The following EYA3 variants were observed in gnomAD, a reference collection of about 807,000 sequenced individuals.
The protein encoded by EYA3 is protein phosphatase EYA3.
EYA3 carries 39 observed loss-of-function variants against 80.0 expected under a neutral mutation model. That is an observed-to-expected ratio of 0.49 (90% CI 0.38 to 0.64). EYA3 has a LOEUF of 0.64. EYA3 is among the 30% of genes least tolerant of loss of function. The probability of loss-of-function intolerance (pLI) is 0.00; values close to 1 mark genes in which losing one functional copy is unlikely to be tolerated. For missense variants in EYA3, 523 were observed against 676.1 expected, an observed-to-expected ratio of 0.77 and a Z score of 2.51; for synonymous variants, 206 against 232.8, an observed-to-expected ratio of 0.88 and a Z score of 1.05.
intron 2 of EYA3, among the ~76,000 whole-genome samples, chr1:28,049,554 C>T (rs569990289): frequency 2.8e-4 from 43 of 152,226 alleles, no homozygotes; most frequent in African/African-American, 1.0e-3. Context: ...GATATGATTA[C>T]ACAAAAATTT....
chr1:28,018,111 G>T (rs770541468), intron 7 of EYA3, among the ~76,000 whole-genome samples: 3 of 151,780 alleles, frequency 2.0e-5, no homozygotes, highest in Admixed American at 6.6e-5. Context: ...CATGAGAATC[G>T]CTTGAACTCA....
intron 16 of EYA3, among the ~76,000 whole-genome samples, chr1:27,986,142 G>A (rs536623329): frequency 6.6e-6 from 1 of 151,912 alleles, no homozygotes; most frequent in Non-Finnish European, 1.5e-5. Flanking sequence ...GAGGCAGATG[G>A]ATCACCTGAG....
chr1:28,013,748 C>T lies in EYA3; in HGVS notation c.586-454G>A, dbSNP rs540582852. On this transcript the variant is annotated intron_variant, in intron 8 of 17. Transcript: ENST00000373871. This position sits in a 1 kb window ranked among gnomAD's most constrained non-coding sequence, Gnocchi z 4.0. ...GCAAACAAAAAAAGCACATATCCTA[C>T]ATTAAAATGTCTTAATTTAAAAACT... Among the ~76,000 whole-genome samples, 2 of 152,316 alleles carry T rather than the reference C, an allele frequency of 1.3e-5. No homozygotes were observed. Among genetic ancestry groups the T allele is most frequent in the African/African-American group, 2.4e-5 (1 of 41,578 alleles).
chr1:28,047,683 G>C (rs968575532), intron 3 of EYA3, among the ~76,000 whole-genome samples: 6 of 147,316 alleles, frequency 4.1e-5, no homozygotes, highest in African/African-American at 1.5e-4. Context: ...CTGTCGCCCA[G>C]GCTGGAGTGC....
chr1:27,993,304 T>C, intron 14 of EYA3, 96 bp downstream of exon 14: 3 of 1,282,798 alleles, frequency 2.3e-6, no homozygotes, highest in Non-Finnish European at 3.3e-6. Context: ...GCATAATTTA[T>C]AAGCAGTTGT....
chr1:28,057,035 C>CTT (rs952771249), intron 2 of EYA3, among the ~76,000 whole-genome samples: 8 of 152,122 alleles, frequency 5.3e-5, no homozygotes, highest in African/African-American at 1.4e-4. Flanking sequence ...TTCAAAAGGT[C>CTT]TTTTTACCAG....
rs1362583241 is a variant in EYA3 at position 28,048,387 on chromosome 1, T to G, written c.73A>C (p.Ile25Leu). ...AAGAAAGCAAACTTTACATACCTTA[T>G]AGTTTGCTCTCCTGATTCCTGCATC... The part of the protein sequence containing the change: ...AKMQESGEQT[I>L]SQVSNPDVSD... Residue 25 changes from isoleucine (I) to leucine (L), a missense_variant, in exon 3 of 18, where the codon ATA becomes CTA. Physicochemically the swap from Ile to Leu is conservative, Grantham distance 5 (BLOSUM62 2). Coordinates refer to ENST00000373871, the MANE Select transcript of EYA3 (RefSeq NM_001990.4). 6.2e-7 allele frequency: 1 copy of G among 1,609,980 alleles called. No individual in the cohort carries two copies. The highest frequency in any genetic ancestry group is 2.2e-5 in the East Asian group (1 of 44,784).
intron 11 of EYA3, among the ~76,000 whole-genome samples, chr1:28,001,848 A>G (rs1442866393): frequency 6.7e-6 from 1 of 149,986 alleles, no homozygotes; most frequent in African/African-American, 2.5e-5. Flanking sequence ...CTCCTGCCTC[A>G]GCCTCCCTAG....
chr1:28,004,333 T>C lies in EYA3; in HGVS notation c.993+3A>G. The C allele has an allele frequency of 6.3e-7, 1 of 1,595,154 alleles. No individual in the cohort carries two copies. The highest frequency in any genetic ancestry group is 8.6e-7 in the Non-Finnish European group (1 of 1,165,868). On this transcript the variant is annotated splice_donor_region_variant and intron_variant, in intron 11 of 17. Coordinates refer to ENST00000373871, the MANE Select transcript of EYA3 (RefSeq NM_001990.4). ...CAGTTACAACAAAGAAGACTCAAAT[T>C]ACCTTTCCATATTTCTGGGCATAGG...
At chr1:28,019,086 A>AACTCGGGAGGCAGAGG (rs1553147021) in intron 7 of EYA3, among the ~76,000 whole-genome samples, 1 of 152,128 alleles carries the variant, frequency 6.6e-6, no homozygotes, top group Non-Finnish European at 1.5e-5. Context: ...GAATCACTTA[A>AACTCGGGAGGCAGAGG]ACTCGGGAGG....
chr1:28,018,129 G>A (rs1446657386), intron 7 of EYA3, among the ~76,000 whole-genome samples: 2 of 151,902 alleles, frequency 1.3e-5, no homozygotes, highest in Non-Finnish European at 2.9e-5. Context: ...TCAGGAAGTG[G>A]AGGTTGCAAT....
intron 7 of EYA3, among the ~76,000 whole-genome samples, chr1:28,020,774 C>T (rs529196885): frequency 1.5e-4 from 22 of 148,098 alleles, no homozygotes; most frequent in African/African-American, 5.5e-4. Flanking sequence ...ATGAACTATG[C>T]AACAAAAACT....
intron 16 of EYA3, among the ~76,000 whole-genome samples, chr1:27,986,061 T>C (rs1639634724): frequency 6.6e-6 from 1 of 152,090 alleles, no homozygotes; most frequent in Non-Finnish European, 1.5e-5. Flanking sequence ...TGAAATTCAC[T>C]AATCTTTAAA....
At chr1:28,052,805 G>A (rs906750692) in intron 2 of EYA3, among the ~76,000 whole-genome samples, 1 of 151,902 alleles carries the variant, frequency 6.6e-6, no homozygotes, top group African/African-American at 2.4e-5. Flanking sequence ...AGCCAGGTGT[G>A]GTGGCAGGCG....
chr1:28,025,011 G>A (rs985618002), intron 7 of EYA3, among the ~76,000 whole-genome samples: 4 of 152,252 alleles, frequency 2.6e-5, no homozygotes, highest in Middle Eastern at 3.4e-3. Flanking sequence ...TGCTTGGGGT[G>A]TTTTGAACAC....
intron 2 of EYA3, among the ~76,000 whole-genome samples, chr1:28,056,213 CT>C (rs1272217088): frequency 6.6e-6 from 1 of 152,188 alleles, no homozygotes; most frequent in Non-Finnish European, 1.5e-5. Context: ...GCCCCTATTT[CT>C]CCTGCCCTAA....
At chr1:27,990,432 T>C (rs1157719422) in intron 14 of EYA3, 5 of 152,346 alleles carry the variant, frequency 3.3e-5, no homozygotes, top group African/African-American at 1.2e-4. Flanking sequence ...GGGGTGCCCC[T>C]AGCATGGCAA....
chr1:27,990,983 C>T (rs1423130664), intron 14 of EYA3, among the ~76,000 whole-genome samples: 3 of 151,686 alleles, frequency 2.0e-5, no homozygotes, highest in Non-Finnish European at 2.9e-5. Flanking sequence ...AATCTTGTTA[C>T]GGGGACACAA....
At chr1:27,976,962 C>T in intron 17 of EYA3, 2 of 944,916 alleles carry the variant, frequency 2.1e-6, no homozygotes, top group South Asian at 4.9e-5. Flanking sequence ...AGGTGATTTG[C>T]CTGCCTCAGC....
Sources: allele counts gnomAD v4.1 joint callset (sites outside exome capture counted in the v4.1 genomes callset), GRCh38; gene constraint gnomAD v4.1.1; non-coding constraint Gnocchi (gnomAD v3.1); transcripts MANE v1.5; gene names NCBI Gene and HGNC (gene_info 2026-07-23, HGNC 2026-07-21).